OXSR1: variants seen among roughly 807,000 people sequenced by gnomAD.
OXSR1 encodes the protein serine/threonine-protein kinase OSR1.
In OXSR1, 24 loss-of-function variants were observed where a neutral mutation model predicts 79.8. That is an observed-to-expected ratio of 0.30 (90% confidence interval 0.22 to 0.42). OXSR1 has a LOEUF of 0.42. Among genes scored for constraint, OXSR1 ranks in the 10% least tolerant of loss-of-function variants. The pLI, the probability that OXSR1 is intolerant of heterozygous loss-of-function variation, is 1.00. For synonymous variants in OXSR1, 226 were observed against 209.2 expected (o/e 1.08, Z -0.69); for missense variants, 430 against 618.4 (o/e 0.70, Z 3.23).
chr3:38,239,607 A>G (rs1702986708), intron 11 of OXSR1, among the ~76,000 whole-genome samples: 1 of 151,776 alleles, frequency 6.6e-6, no homozygotes, highest in South Asian at 2.1e-4. Flanking sequence ...AGTGCTATGC[A>G]CTCTTACCTC....
chr3:38,166,783 C>CTG (rs1553631846), intron 1 of OXSR1, among the ~76,000 whole-genome samples: 4 of 119,754 alleles, frequency 3.3e-5, no homozygotes, highest in Non-Finnish European at 6.6e-5. Flanking sequence ...AACCCTGACT[C>CTG]TGACTCAAAA....
chr3:38,233,056 G>T (rs570318782), intron 10 of OXSR1, among the ~76,000 whole-genome samples: 3 of 152,224 alleles, frequency 2.0e-5, no homozygotes, highest in Non-Finnish European at 4.4e-5. Flanking sequence ...TTAAGATAGA[G>T]TTAGACTCTG....
intron 8 of OXSR1, among the ~76,000 whole-genome samples, chr3:38,227,521 C>T (rs1702713236): frequency 6.7e-6 from 1 of 148,766 alleles, no homozygotes; most frequent in Non-Finnish European, 1.5e-5. Flanking sequence ...TGAGAAGGTT[C>T]AGTATGTTTG....
At chr3:38,250,660 G>A (rs973641497) in intron 15 of OXSR1, among the ~76,000 whole-genome samples, 2 of 152,150 alleles carry the variant, frequency 1.3e-5, no homozygotes, top group Admixed American at 1.3e-4. Context: ...TATTCTTCTT[G>A]CTGTCTCACT....
intron 2 of OXSR1, among the ~76,000 whole-genome samples, chr3:38,190,057 G>C (rs538576358): frequency 5.9e-5 from 9 of 152,310 alleles, no homozygotes; most frequent in Non-Finnish European, 1.3e-4. Flanking sequence ...GCTAAGCAGA[G>C]ATGATAGGGG....
At chr3:38,198,388 T>C (rs1702104212) in intron 3 of OXSR1, among the ~76,000 whole-genome samples, 1 of 152,146 alleles carries the variant, frequency 6.6e-6, no homozygotes, top group East Asian at 1.9e-4. Flanking sequence ...AAAGCCTATA[T>C]TGGTTTGTGG....
At chr3:38,246,970 T>G (rs1046048930) in intron 13 of OXSR1, among the ~76,000 whole-genome samples, 2 of 152,128 alleles carry the variant, frequency 1.3e-5, no homozygotes, top group African/African-American at 4.8e-5. Context: ...GATTTTTTTT[T>G]TTTTCTTTTG....
intron 2 of OXSR1, among the ~76,000 whole-genome samples, chr3:38,183,745 G>C (rs532476132): frequency 6.6e-6 from 1 of 152,148 alleles, no homozygotes; most frequent in Non-Finnish European, 1.5e-5. Flanking sequence ...GAAGTCCCAA[G>C]CAATAGCTGT....
chr3:38,192,484 G>C (rs143888799), intron 3 of OXSR1, among the ~76,000 whole-genome samples: 5 of 152,214 alleles, frequency 3.3e-5, no homozygotes, highest in Non-Finnish European at 2.9e-5. Flanking sequence ...ATTATAATTT[G>C]ACATCAATAC....
rs140275531 is a variant in OXSR1, at chr3:38,235,009, A to G, written c.952-1830A>G. 1.5e-4 allele frequency among the ~76,000 whole-genome samples: 23 copies of G among 152,360 alleles called. No individual in the cohort carries two copies. The East Asian group carries it at 4.2e-3, about 28-fold the overall frequency. ...AAAAGACCACATGTTGTGTGATTCA[A>G]TTTATGTGAAATGTTGAAAATAGGC... On this transcript the variant is annotated intron_variant, in intron 10 of 17. Transcript: ENST00000311806.
chr3:38,172,291 A>G (rs1195661259), intron 1 of OXSR1, among the ~76,000 whole-genome samples: 1 of 151,748 alleles, frequency 6.6e-6, no homozygotes, highest in Non-Finnish European at 1.5e-5. Context: ...TCAGGTTTAG[A>G]TGGATTTAGG....
intron 1 of OXSR1, among the ~76,000 whole-genome samples, chr3:38,178,340 G>T (rs1229117223): frequency 6.6e-6 from 1 of 152,044 alleles, no homozygotes; most frequent in Non-Finnish European, 1.5e-5. Flanking sequence ...ATCCATGTTG[G>T]TGTTGCCTAT....
chr3:38,222,075 T>C (rs1243300684), intron 6 of OXSR1, among the ~76,000 whole-genome samples: 1 of 152,176 alleles, frequency 6.6e-6, no homozygotes, highest in Non-Finnish European at 1.5e-5. Context: ...TCAAACTCAG[T>C]ATGCTGCGAA....
At chr3:38,178,559 C>T (rs549328972) in intron 1 of OXSR1, among the ~76,000 whole-genome samples, 1 of 148,804 alleles carries the variant, frequency 6.7e-6, no homozygotes, top group African/African-American at 2.5e-5. Context: ...CTGCCTCAGC[C>T]TCCCAAGTAG....
chr3:38,203,480 C>A (rs903726719), intron 4 of OXSR1, among the ~76,000 whole-genome samples: 3 of 152,102 alleles, frequency 2.0e-5, no homozygotes, highest in Admixed American at 1.3e-4. Context: ...ACCCGCTAAG[C>A]CCCATAGGGC....
chr3:38,166,576 A>G (rs1008298254), intron 1 of OXSR1, among the ~76,000 whole-genome samples: 1 of 152,122 alleles, frequency 6.6e-6, no homozygotes, highest in African/African-American at 2.4e-5. Context: ...GCGGATCACG[A>G]GGTCGGGGGT....
chr3:38,231,913 C>G (rs181846620), intron 10 of OXSR1, among the ~76,000 whole-genome samples: 1 of 152,144 alleles, frequency 6.6e-6, no homozygotes, highest in Admixed American at 6.5e-5. Context: ...TCAAGACCAG[C>G]CTGGCCAACA....
At chr3:38,222,245 G>A (rs546593733) in intron 6 of OXSR1, among the ~76,000 whole-genome samples, 1 of 152,298 alleles carries the variant, frequency 6.6e-6, no homozygotes, top group East Asian at 1.9e-4. Flanking sequence ...CACAGCCTAG[G>A]GGAGGAGGAT....
rs1435726525 is a variant in OXSR1 at position 38,165,931 on chromosome 3, C to G, written c.55C>G (p.Leu19Val). The change falls in exon 1 of 18, where the codon CTG becomes GTG. Residue 19 changes from leucine to valine, a missense_variant. Transcript: ENST00000311806. ...GTCCATCAACAGGGACGATTACGAG[C>G]TGCAGGAGGTGATCGGTGAGAGCAG... is the stretch of plus-strand genomic sequence containing the variant. ...PWSINRDDYE[L>V]QEVIGSGATA... The G allele has an allele frequency of 6.2e-7, 1 of 1,611,492 alleles. No individual in the cohort carries two copies. The highest frequency in any genetic ancestry group is 1.7e-5 in the Admixed American group (1 of 59,952).
Sources: gnomAD v4.1 joint callset for allele counts (sites outside exome capture counted in the v4.1 genomes callset) on GRCh38, gnomAD v4.1.1 for gene constraint, MANE v1.5 for transcripts, NCBI Gene and HGNC (gene_info 2026-07-23, HGNC 2026-07-21) for gene names.